The following SLC26A5 variants were observed in gnomAD, a reference collection of about 807,000 sequenced individuals.
SLC26A5 encodes the protein prestin.
A neutral mutation model predicts 81.0 loss-of-function variants in SLC26A5; 51 were observed. The ratio of observed to expected loss-of-function variants is 0.63; its 90% CI spans 0.50 to 0.80. SLC26A5 has a LOEUF of 0.80. Among genes scored for constraint, SLC26A5 ranks in the 30% least tolerant of loss-of-function variants. SLC26A5 has a pLI of 0.00. For synonymous variants in SLC26A5, 325 were observed against 332.8 expected (o/e 0.98, Z 0.25); for missense variants, 771 against 905.8 (o/e 0.85, Z 1.91).
intron 17 of SLC26A5, among the ~76,000 whole-genome samples, chr7:103,378,096 C>T (rs1054566305): frequency 6.6e-6 from 1 of 152,092 alleles, no homozygotes; most frequent in Non-Finnish European, 1.5e-5. Context: ...AAAATAGTTC[C>T]ATTAACTTTA....
At chr7:103,375,291 T>G (rs184075748) in intron 19 of SLC26A5, among the ~76,000 whole-genome samples, 43 of 151,958 alleles carry the variant, frequency 2.8e-4, no homozygotes, top group South Asian at 2.1e-4. Flanking sequence ...GGTACTTGAG[T>G]TTTTTGTTTT....
At chr7:103,417,509 C>T (rs1271493435) in intron 4 of SLC26A5, among the ~76,000 whole-genome samples, 3 of 151,958 alleles carry the variant, frequency 2.0e-5, no homozygotes, top group East Asian at 3.9e-4. Context: ...ATGTTGGACA[C>T]AGCTTGATCT....
Position 103,379,255 on chromosome 7 carries a change from T to G in SLC26A5, c.1665A>C (p.Ala555=). Residue 555 remains alanine (A), a synonymous_variant, in exon 16 of 20, where the codon GCA becomes GCC. Transcript: ENST00000306312. ...YYANSDLYSN[A]LKRKTGVNPA... is the part of the protein sequence containing the mutation. Reference sequence around the variant, plus strand: ...TCTCATGACTCACCTTTCGTTTTAATGCATTGCTATACAAGTCGCTATTTG... The same window carrying G: ...TCTCATGACTCACCTTTCGTTTTAAGGCATTGCTATACAAGTCGCTATTTG... 2 of 1,608,528 alleles carry G rather than the reference T, an allele frequency of 1.2e-6. No homozygotes were observed. The highest frequency in any genetic ancestry group is 1.7e-6 in the Non-Finnish European group (2 of 1,175,066).
chr7:103,415,029 T>C (rs1824797680), intron 4 of SLC26A5, among the ~76,000 whole-genome samples: 1 of 152,182 alleles, frequency 6.6e-6, no homozygotes, highest in Non-Finnish European at 1.5e-5. Context: ...TTGACTGGCA[T>C]CCCTCTTCAG....
chr7:103,364,185 G>A (rs1158172908), intron 19 of SLC26A5: 4 of 1,614,176 alleles, frequency 2.5e-6, no homozygotes, highest in African/African-American at 2.7e-5. Flanking sequence ...TCCCAAGGGC[G>A]TGCTGCTCTT....
intron 14 of SLC26A5, among the ~76,000 whole-genome samples, chr7:103,386,290 G>A (rs1011497252): frequency 7.2e-5 from 11 of 151,844 alleles, no homozygotes; most frequent in Admixed American, 1.3e-4. Flanking sequence ...ATAACCGGCC[G>A]GGCACGATGG....
chr7:103,362,894 A>G, intron 19 of SLC26A5: 1 of 649,834 alleles, frequency 1.5e-6, no homozygotes, highest in Admixed American at 3.0e-5. Context: ...CCCGGGTTCA[A>G]GCAATTCTCC....
chr7:103,363,852 A>AT (rs1268444621), intron 19 of SLC26A5, among the ~76,000 whole-genome samples: 4 of 152,050 alleles, frequency 2.6e-5, no homozygotes, highest in Non-Finnish European at 4.4e-5. Context: ...AAACACCATA[A>AT]TTTTTTTTAA....
intron 9 of SLC26A5, among the ~76,000 whole-genome samples, chr7:103,394,936 T>C (rs1822965017): frequency 6.6e-6 from 1 of 152,220 alleles, no homozygotes; most frequent in Non-Finnish European, 1.5e-5. Flanking sequence ...GGTCTGGCAA[T>C]GCTGCTGGAG....
rs2116726720 is a variant in SLC26A5 at position 103,421,419 on chromosome 7, T to C, written c.96A>G (p.Leu32=). 1 of 1,614,148 alleles carries C rather than the reference T, an allele frequency of 6.2e-7. No individual in the cohort carries two copies. The highest frequency in any genetic ancestry group is 8.5e-7 in the Non-Finnish European group (1 of 1,180,002). Residue 32 remains leucine (L), a synonymous_variant, in exon 3 of 20, where the codon CTA becomes CTG. Coordinates refer to ENST00000306312, the MANE Select transcript of SLC26A5 (RefSeq NM_198999.3). ...IFSHPVLQER[L]HTKDKVPDSI... Reference sequence around the variant, plus strand: ...AATCAGGAACCTTGTCCTTTGTGTGTAGTCTTTCCTGGAGGACCGGATGAC... The same window carrying C: ...AATCAGGAACCTTGTCCTTTGTGTGCAGTCTTTCCTGGAGGACCGGATGAC...
At chr7:103,397,221 A>C (rs1301921400) in intron 9 of SLC26A5, among the ~76,000 whole-genome samples, 1 of 152,030 alleles carries the variant, frequency 6.6e-6, no homozygotes, top group Non-Finnish European at 1.5e-5. Flanking sequence ...AGCCTGGCCA[A>C]CATGGAGAAA....
At position 103,415,226 on chromosome 7, in the gene SLC26A5, T is replaced by G. The variant is rs117395787; in HGVS notation, c.293-2114A>C. 3.0e-4 allele frequency among the ~76,000 whole-genome samples: 45 copies of G among 152,306 alleles called. No individual in the cohort carries two copies. In the East Asian group the frequency reaches 6.0e-3, roughly 20 times the overall value. ...GTCACTCGAATGTTGTTAAAAAAAT[T>G]TATTTCTAGCAAAGAAATGTATGCA... On this transcript the variant is annotated intron_variant, in intron 4 of 19. Coordinates refer to ENST00000306312, the MANE Select transcript of SLC26A5 (RefSeq NM_198999.3).
intron 19 of SLC26A5, chr7:103,354,990 ATG>A: frequency 7.9e-7 from 1 of 1,258,118 alleles, no homozygotes; most frequent in Middle Eastern, 1.9e-4. Flanking sequence ...TTTAAATGTA[ATG>A]TGTGAATAAT....
intron 19 of SLC26A5, chr7:103,364,414 TTTTTC>T (rs1423170790): frequency 5.3e-6 from 7 of 1,319,912 alleles, no homozygotes; most frequent in Admixed American, 2.1e-5. Context: ...TGAAATTTCT[TTTTTC>T]TTTTGTTGAG....
chr7:103,398,720 CTGAG>C (rs1465829222), intron 8 of SLC26A5, among the ~76,000 whole-genome samples: 1 of 152,162 alleles, frequency 6.6e-6, no homozygotes, highest in Non-Finnish European at 1.5e-5. Flanking sequence ...ATAGAGCTTT[CTGAG>C]TGAGTTACCC....
intron 19 of SLC26A5, among the ~76,000 whole-genome samples, chr7:103,364,958 C>CATATATATATATATAT (rs59914167): frequency 0.02 from 2,560 of 125,150 alleles, 46 homozygotes; most frequent in East Asian, 0.035. Flanking sequence ...TGTAGACATA[C>CATATATATATATATAT]ATATATATAT....
At chr7:103,362,769 A>G (rs1820482753) in intron 19 of SLC26A5, 4 of 1,397,432 alleles carry the variant, frequency 2.9e-6, no homozygotes, top group East Asian at 4.7e-5. Context: ...GTAAGAAACT[A>G]TGGGAGGGAA....
chr7:103,390,696 T>C (rs186387325), intron 11 of SLC26A5, among the ~76,000 whole-genome samples, 190 bp from the exon 12 acceptor site: 10 of 152,258 alleles, frequency 6.6e-5, no homozygotes, highest in Admixed American at 4.6e-4. Flanking sequence ...GTTCTTCTTA[T>C]GGCTTTTAAA....
At chr7:103,352,773 T>A in exon 20 of SLC26A5, 1 of 769,356 alleles carries the variant, frequency 1.3e-6, no homozygotes, top group Non-Finnish European at 2.4e-6. Context: ...AAAACAAAGT[T>A]CAGAAGTGTT....
Sources: allele counts gnomAD v4.1 joint callset (sites outside exome capture counted in the v4.1 genomes callset), GRCh38; gene constraint gnomAD v4.1.1; transcripts MANE v1.5; gene names NCBI Gene and HGNC (gene_info 2026-07-23, HGNC 2026-07-21).